GDI2: variants seen among roughly 807,000 people sequenced by gnomAD.
The protein encoded by GDI2 is GDP dissociation inhibitor 2, also known as rab GDP dissociation inhibitor beta.
A neutral mutation model predicts 54.2 loss-of-function variants in GDI2; 22 were observed. The observed-to-expected ratio is 0.41, with a 90% CI of 0.29 to 0.58. The LOEUF (loss-of-function observed/expected upper bound fraction) is 0.58, where lower values mean the gene tolerates loss of function less well. Ranked by LOEUF, GDI2 falls within the 20% of genes least tolerant of loss-of-function variation. The pLI is 0.35. For synonymous variants in GDI2, 177 were observed against 182.1 expected (o/e 0.97, Z 0.23); for missense variants, 422 against 546.0 (o/e 0.77, Z 2.26).
rs1371834412 is a variant in GDI2 at position 5,777,461 on chromosome 10, G to A, written c.720-3520C>T. 3.9e-5 allele frequency among the ~76,000 whole-genome samples: 6 copies of A among 152,152 alleles called. 1 individual carries two copies. The highest frequency in any genetic ancestry group is 4.1e-4 in the South Asian group (2 of 4,822). ...CCAACTCCAGCCTGGGTGACAGAGT[G>A]AGACTCCATCTCAACACAGTCATTT... is the stretch of plus-strand genomic sequence containing the variant. On this transcript the variant is annotated intron_variant, in intron 6 of 10. Transcript: ENST00000380191.
At chr10:5,808,357 T>C (rs1377483230) in intron 1 of GDI2, among the ~76,000 whole-genome samples, 1 of 150,202 alleles carries the variant, frequency 6.7e-6, no homozygotes, top group Non-Finnish European at 1.5e-5. Flanking sequence ...CTCTACACCC[T>C]ATCAAATCCT....
chr10:5,805,078 C>T (rs1029336671), intron 1 of GDI2, among the ~76,000 whole-genome samples: 3 of 152,022 alleles, frequency 2.0e-5, no homozygotes, highest in Non-Finnish European at 2.9e-5. Context: ...ATGATCCACC[C>T]GCATCAGCCT....
chr10:5,780,304 A>T (rs1244404824), intron 6 of GDI2, among the ~76,000 whole-genome samples: 2 of 151,858 alleles, frequency 1.3e-5, no homozygotes, highest in Non-Finnish European at 2.9e-5. Context: ...AAAAAAAAAA[A>T]AAACTATAGA....
chr10:5,781,995 AG>A (rs1390649198), intron 6 of GDI2, among the ~76,000 whole-genome samples: 1 of 152,228 alleles, frequency 6.6e-6, no homozygotes, highest in Non-Finnish European at 1.5e-5. Flanking sequence ...CCTGGGCAAC[AG>A]AGCAAGACTC....
intron 6 of GDI2, among the ~76,000 whole-genome samples, chr10:5,783,788 A>C (rs941919032): frequency 2.0e-5 from 3 of 152,218 alleles, no homozygotes; most frequent in African/African-American, 7.2e-5. Flanking sequence ...TCTAGCTTTT[A>C]GAGTTTCTGC....
rs1181616318 is a variant in GDI2 at position 5,765,722 on chromosome 10, C to T, written c.*284G>A. ...CTGATTAAAAGATTAAAAAAACTGT[C>T]TCAAGTTGTCTGTGTCGGTATCCCA... is the stretch of plus-strand genomic sequence containing the variant. On this transcript the variant is annotated 3_prime_UTR_variant, in exon 11 of 11. Transcript: ENST00000380191. 1 of 336,674 alleles carries T rather than the reference C, an allele frequency of 3.0e-6. No homozygotes were observed. The highest frequency in any genetic ancestry group is 5.3e-6 in the Non-Finnish European group (1 of 187,036). The allele number at this position is 336,674 out of a possible 1,614,324, so 20.9% of individuals were successfully genotyped here.
Position 5,800,634 on chromosome 10 carries a change from G to A in GDI2, c.117C>T (p.Tyr39=), listed in dbSNP as rs376997427. The A allele has an allele frequency of 3.2e-5, 51 of 1,592,076 alleles. No individual in the cohort carries two copies. The African/African-American group carries it at 3.9e-4, about 12-fold the overall frequency. ...KVLHMDRNPY[Y]GGESASITPL... is the part of the protein sequence containing the mutation. ...GTGTTATAGATGCACTCTCTCCTCCGTAGTAAGGGTTTCGATCCATATGAA... is the reference window on the plus strand; with the variant it reads ...GTGTTATAGATGCACTCTCTCCTCCATAGTAAGGGTTTCGATCCATATGAA... The change falls in exon 2 of 11, where the codon TAC becomes TAT. Residue 39 remains tyrosine, a synonymous_variant. Transcript: ENST00000380191.
At chr10:5,793,512 C>T (rs61832862) in intron 4 of GDI2, among the ~76,000 whole-genome samples, 1 of 152,132 alleles carries the variant, frequency 6.6e-6, no homozygotes, top group Non-Finnish European at 1.5e-5. Flanking sequence ...TACTTTCTGG[C>T]TATGTCTTTA....
At position 5,766,538 on chromosome 10, in the gene GDI2, C is replaced by A. The variant is rs766934973; in HGVS notation, c.1092G>T (p.Lys364Asn). 8 of 1,613,808 alleles carry A rather than the reference C, an allele frequency of 5.0e-6. No homozygotes were observed. The South Asian group carries it at 8.8e-5, about 18-fold the overall frequency. ...AGAGCTCCAAAGCTGGTCTGATTTC[C>A]TTCTCAGGCTCCTTGGTTTCCACAG... ...STTVETKEPE[K>N]EIRPALELLE... Residue 364 changes from lysine to asparagine, a missense_variant, in exon 9 of 11, where the codon AAG (lysine) becomes AAT (asparagine). Coordinates refer to ENST00000380191, the MANE Select transcript of GDI2 (RefSeq NM_001494.4). The surrounding 1 kb of genome is among the most constrained non-coding windows in gnomAD (Gnocchi z 5.8).
At chr10:5,773,502 G>A (rs113061598) in intron 7 of GDI2, among the ~76,000 whole-genome samples, 3,678 of 152,098 alleles carry the variant, frequency 0.024, 142 homozygotes, top group African/African-American at 0.084. Flanking sequence ...TTTGAGAAAT[G>A]CTGCTCAAAA....
At chr10:5,767,011 C>CTACT (rs1840355142) in intron 8 of GDI2, among the ~76,000 whole-genome samples, 1 of 152,208 alleles carries the variant, frequency 6.6e-6, no homozygotes, top group Admixed American at 6.5e-5. Flanking sequence ...AAAGGATGTA[C>CTACT]TTAGTACTGA....
chr10:5,780,899 C>T (rs1840739459), intron 6 of GDI2, among the ~76,000 whole-genome samples: 1 of 152,104 alleles, frequency 6.6e-6, no homozygotes, highest in Admixed American at 6.5e-5. Context: ...AATTGACAAC[C>T]TGATTTTAAA....
chr10:5,792,535 A>T (rs1476643318), intron 4 of GDI2, among the ~76,000 whole-genome samples: 1 of 152,144 alleles, frequency 6.6e-6, no homozygotes, highest in Non-Finnish European at 1.5e-5. Context: ...AGATTTCAAA[A>T]TCCTTTCCAT....
chr10:5,785,179 G>A lies in GDI2; in HGVS notation c.682C>T (p.Leu228Phe). The change falls in exon 6 of 11, where the codon CTC (leucine) becomes TTC (phenylalanine). Residue 228 changes from leucine (L) to phenylalanine (F), a missense_variant. Transcript: ENST00000380191. ...TGGGGCAGTTCTCCAAGGCCATAGA[G>A]TGGATAAAGGTATGGGCTTTTGCCA... ...RYGKSPYLYP[L>F]YGLGELPQGF... 8 of 1,611,964 alleles carry A rather than the reference G, an allele frequency of 5.0e-6. No homozygotes were observed. The highest frequency in any genetic ancestry group is 6.8e-6 in the Non-Finnish European group (8 of 1,178,792).
chr10:5,775,878 G>A (rs973650752), intron 6 of GDI2, among the ~76,000 whole-genome samples: 10 of 152,180 alleles, frequency 6.6e-5, no homozygotes, highest in Non-Finnish European at 1.2e-4. Flanking sequence ...TGGCAGGCCC[G>A]TGGAGCAGTG....
chr10:5,768,618 G>T lies in GDI2; in HGVS notation c.820-234C>A. On this transcript the variant is annotated intron_variant, in intron 7 of 10. Coordinates refer to ENST00000380191, the MANE Select transcript of GDI2 (RefSeq NM_001494.4). The surrounding 1 kb of genome is among the most constrained non-coding windows in gnomAD (Gnocchi z 4.4). ...ACAGTGATCAATTCAGTGTGGTACT[G>T]GCATAATGACAAACGTATGGACCAA... 2.1e-6 allele frequency: 1 copy of T among 475,458 alleles called. No individual in the cohort carries two copies. The highest frequency in any genetic ancestry group is 3.1e-5 in the South Asian group (1 of 32,530). The allele number at this position is 475,458 out of a possible 1,614,324, so 29.5% of individuals were successfully genotyped here.
At position 5,771,602 on chromosome 10, in the gene GDI2, GC is replaced by G. The variant is rs1840490082; in HGVS notation, c.819+2239del. 2.6e-5 allele frequency among the ~76,000 whole-genome samples: 4 copies of G among 151,754 alleles called. No individual in the cohort carries two copies. The South Asian group carries it at 8.3e-4, about 32-fold the overall frequency. On this transcript the variant is annotated intron_variant, in intron 7 of 10. Coordinates refer to ENST00000380191, the MANE Select transcript of GDI2 (RefSeq NM_001494.4). ...GTGGGTGTCCTGACAAAAAATAAAT[GC>G]TCAGTAAATGTACTCTACATAGACT...
chr10:5,784,116 C>T lies in GDI2; in HGVS notation c.719+1026G>A, dbSNP rs7899019. 4.2e-3 allele frequency among the ~76,000 whole-genome samples: 638 copies of T among 152,230 alleles called. 6 individuals are homozygous for T. Among genetic ancestry groups the T allele is most frequent in the African/African-American group, 0.015 (608 of 41,562 alleles). On this transcript the variant is annotated intron_variant, in intron 6 of 10. Transcript: ENST00000380191. ...TGTTTAACAAACTTATTGGAGGCTGCGTTCATTTTTTTAAATTCTTTTTTG... is the reference window on the plus strand; with the variant it reads ...TGTTTAACAAACTTATTGGAGGCTGTGTTCATTTTTTTAAATTCTTTTTTG...
chr10:5,806,079 A>C (rs553768219), intron 1 of GDI2, among the ~76,000 whole-genome samples: 1 of 152,244 alleles, frequency 6.6e-6, no homozygotes, highest in South Asian at 2.1e-4. Flanking sequence ...GTATAAATAC[A>C]TTCAACTTCA....
Sources: allele counts gnomAD v4.1 joint callset (sites outside exome capture counted in the v4.1 genomes callset), GRCh38; gene constraint gnomAD v4.1.1; non-coding constraint Gnocchi (gnomAD v3.1); transcripts MANE v1.5; gene names NCBI Gene and HGNC (gene_info 2026-07-23, HGNC 2026-07-21).